NBAS: variants seen among roughly 807,000 people sequenced by gnomAD.
NBAS encodes NAG/BC035112 fusion.
Under a neutral mutation model 302.5 loss-of-function variants are expected in NBAS, and 219 were observed. That is an observed-to-expected ratio of 0.72 (90% CI 0.65 to 0.81). The LOEUF is 0.81. Among genes scored for constraint, NBAS ranks in the 30% least tolerant of loss-of-function variants. The pLI is 0.00. For synonymous variants in NBAS, 1,118 were observed against 1,021.6 expected, an observed-to-expected ratio of 1.09 and a Z score of -1.80; for missense variants, 2,932 against 2,841.6, an observed-to-expected ratio of 1.03 and a Z score of -0.72.
chr2:15,141,205 T>A, the NBAS span, among the ~76,000 whole-genome samples: 1 of 151,918 alleles, frequency 6.6e-6, no homozygotes, highest in Non-Finnish European at 1.5e-5. Context: ...CTCTTTTCCT[T>A]CCTCTCCCGC....
At chr2:15,056,416 C>A in the NBAS span, among the ~76,000 whole-genome samples, 1 of 152,194 alleles carries the variant, frequency 6.6e-6, no homozygotes, top group Non-Finnish European at 1.5e-5. Flanking sequence ...TTTTTTACTG[C>A]ATTTGTAACG....
At chr2:15,103,870 G>A in the NBAS span, among the ~76,000 whole-genome samples, 5 of 152,196 alleles carry the variant, frequency 3.3e-5, no homozygotes, top group South Asian at 2.1e-4. Flanking sequence ...TGAAGACTGC[G>A]TAAGTCTATT....
At chr2:15,528,866 C>CAAAAAA (rs67437705) in intron 9 of NBAS, among the ~76,000 whole-genome samples, 24 of 88,716 alleles carry the variant, frequency 2.7e-4, no homozygotes, top group East Asian at 8.4e-4. Flanking sequence ...GACTCCATCT[C>CAAAAAA]AAAAAAAAAA....
intron 47 of NBAS, among the ~76,000 whole-genome samples, chr2:15,229,364 A>C (rs1350945664): frequency 1.4e-4 from 21 of 149,044 alleles, no homozygotes; most frequent in African/African-American, 4.3e-4. Context: ...AAAAAAAAAA[A>C]AAAAAAAAAA....
chr2:14,782,636 A>G, the NBAS span, among the ~76,000 whole-genome samples: 7 of 152,166 alleles, frequency 4.6e-5, no homozygotes, highest in Non-Finnish European at 1.0e-4. Flanking sequence ...AAATCATTCT[A>G]TCATAAAGAC....
the NBAS span, among the ~76,000 whole-genome samples, chr2:14,824,671 C>T: frequency 1.1e-4 from 16 of 152,132 alleles, no homozygotes; most frequent in Admixed American, 2.0e-4. Flanking sequence ...TGAAATTTGG[C>T]GGGGCAGAGG....
intron 21 of NBAS, among the ~76,000 whole-genome samples, chr2:15,443,230 G>A (rs1301270291): frequency 1.3e-5 from 2 of 152,036 alleles, no homozygotes; most frequent in Non-Finnish European, 2.9e-5. Context: ...TATCCTTGAT[G>A]AACACTGATG....
the NBAS span, among the ~76,000 whole-genome samples, chr2:14,933,479 G>A: frequency 6.6e-6 from 1 of 152,308 alleles, no homozygotes; most frequent in South Asian, 2.1e-4. Flanking sequence ...ATTATTAACT[G>A]TAACATTAAA....
intron 42 of NBAS, 21 bp downstream of exon 42, chr2:15,287,052 A>G (rs2148090129): frequency 1.3e-6 from 2 of 1,530,758 alleles, no homozygotes; most frequent in Middle Eastern, 1.7e-4. Context: ...AAACAAACGT[A>G]CATATGAACT....
At chr2:15,444,739 T>G (rs1471913632) in intron 21 of NBAS, among the ~76,000 whole-genome samples, 1 of 150,986 alleles carries the variant, frequency 6.6e-6, no homozygotes, top group Non-Finnish European at 1.5e-5. Context: ...GGGAGAAAAT[T>G]TTCGCAACCT....
At chr2:14,858,347 A>G in the NBAS span, among the ~76,000 whole-genome samples, 8 of 152,164 alleles carry the variant, frequency 5.3e-5, no homozygotes, top group African/African-American at 1.9e-4. Context: ...TATATCAAAG[A>G]GATATCTGCA....
chr2:15,336,438 C>T (rs1672589149), intron 35 of NBAS, among the ~76,000 whole-genome samples: 1 of 152,076 alleles, frequency 6.6e-6, no homozygotes, highest in African/African-American at 2.4e-5. Context: ...TATATTTTCA[C>T]AGGTCTCATT....
At chr2:14,826,735 C>T in the NBAS span, among the ~76,000 whole-genome samples, 1 of 152,230 alleles carries the variant, frequency 6.6e-6, no homozygotes, top group African/African-American at 2.4e-5. Context: ...TGCAGTCTGG[C>T]TGGCCTTCTC....
the NBAS span, among the ~76,000 whole-genome samples, chr2:14,813,927 G>A: frequency 2.1e-4 from 32 of 152,328 alleles, no homozygotes; most frequent in Admixed American, 2.6e-4. Context: ...CCCACTGTTC[G>A]AAGCAGCCTT....
chr2:15,274,885 C>T (rs1204785110), intron 44 of NBAS, among the ~76,000 whole-genome samples: 1 of 151,992 alleles, frequency 6.6e-6, no homozygotes, highest in Admixed American at 6.6e-5. Context: ...CTGCCTCAGC[C>T]TCCCGAGTAG....
At chr2:15,403,929 C>T (rs1380918904) in intron 25 of NBAS, among the ~76,000 whole-genome samples, 1 of 126,760 alleles carries the variant, frequency 7.9e-6, no homozygotes, top group Non-Finnish European at 1.6e-5. Context: ...TTTCCAGATA[C>T]AAGGTCTCAC....
intron 35 of NBAS, among the ~76,000 whole-genome samples, chr2:15,335,793 A>C (rs1215276949): frequency 1.3e-5 from 2 of 152,170 alleles, no homozygotes; most frequent in Admixed American, 6.5e-5. Flanking sequence ...TCATTCTCTT[A>C]ATGATGTCTT....
chr2:14,810,333 C>G, the NBAS span, among the ~76,000 whole-genome samples: 2 of 152,134 alleles, frequency 1.3e-5, no homozygotes, highest in Non-Finnish European at 2.9e-5. Context: ...GGGATGTAAT[C>G]GAATCATGGG....
chr2:15,116,437 T>C, the NBAS span, among the ~76,000 whole-genome samples: 1 of 146,928 alleles, frequency 6.8e-6, no homozygotes, highest in Non-Finnish European at 1.5e-5. Context: ...GAGAGAGTAA[T>C]AGAGCTCTGG....
Sources: allele counts gnomAD v4.1 joint callset (sites outside exome capture counted in the v4.1 genomes callset), GRCh38; gene constraint gnomAD v4.1.1; transcripts MANE v1.5; gene names NCBI Gene and HGNC (gene_info 2026-07-23, HGNC 2026-07-21).